KCNQ1: variants seen among roughly 807,000 people sequenced by gnomAD.
The protein encoded by KCNQ1 is potassium voltage-gated channel subfamily KQT member 1.
Under a neutral mutation model 72.4 loss-of-function variants are expected in KCNQ1, and 49 were observed. The observed-to-expected ratio is 0.68, with a 90% CI of 0.54 to 0.86. KCNQ1 has a LOEUF of 0.86. KCNQ1 is among the 40% of genes least tolerant of loss of function. The pLI is 0.00. For synonymous variants in KCNQ1, 450 were observed against 412.6 expected, an observed-to-expected ratio of 1.09 and a Z score of -1.10; for missense variants, 790 against 945.1, an observed-to-expected ratio of 0.84 and a Z score of 2.15.
At chr11:2,699,859 G>C (rs1001790327) in intron 11 of KCNQ1, 1 of 397,324 alleles carries the variant, frequency 2.5e-6, no homozygotes, top group Middle Eastern at 6.3e-4. Flanking sequence ...GGCGCACCGG[G>C]AGAATCGTGC....
intron 15 of KCNQ1, among the ~76,000 whole-genome samples, chr11:2,797,841 G>A (rs993360380): frequency 2.6e-5 from 4 of 151,982 alleles, no homozygotes; most frequent in African/African-American, 2.4e-5. Flanking sequence ...TGTGAAGCCA[G>A]CCGGTTCCCC....
intron 11 of KCNQ1, chr11:2,667,714 G>A: frequency 2.5e-6 from 1 of 398,786 alleles, no homozygotes; most frequent in Non-Finnish European, 4.4e-6. Context: ...AAGTCTGGAA[G>A]CCGTGTCCCC....
chr11:2,841,506 A>G (rs1476960051), intron 15 of KCNQ1, among the ~76,000 whole-genome samples: 1 of 152,204 alleles, frequency 6.6e-6, no homozygotes, highest in East Asian at 1.9e-4. Context: ...GCTCCAGACC[A>G]GAGAGCCACA....
chr11:2,523,821 C>T (rs1004220515), intron 1 of KCNQ1, among the ~76,000 whole-genome samples: 1 of 141,474 alleles, frequency 7.1e-6, no homozygotes, highest in Non-Finnish European at 1.5e-5. Context: ...GGTCAGCAGA[C>T]CTGGGTCCTG....
chr11:2,601,085 TAA>T lies in KCNQ1; in HGVS notation c.1393+12245_1393+12246del, dbSNP rs774725539. Reference sequence around the variant, plus strand: ...GCCATGCATATACCCTGCTACTTGTTAAAAAAAAAAAAAAAGTCTCTCCAGAT... The same window carrying T: ...GCCATGCATATACCCTGCTACTTGTTAAAAAAAAAAAAAGTCTCTCCAGAT... On this transcript the variant is annotated intron_variant, in intron 10 of 15. Transcript: ENST00000155840. This position sits in a 1 kb window ranked among gnomAD's most constrained non-coding sequence, Gnocchi z 5.2. Among the ~76,000 whole-genome samples the T allele has an allele frequency of 5.0e-5, 7 of 139,050 alleles. No individual in the cohort carries two copies. The highest frequency in any genetic ancestry group is 4.6e-4 in the South Asian group (2 of 4,378). The allele number at this position is 139,050 out of a possible 152,430, so 91.2% of individuals were successfully genotyped here.
At chr11:2,719,981 G>T (rs376568662) in intron 11 of KCNQ1, among the ~76,000 whole-genome samples, 1 of 152,234 alleles carries the variant, frequency 6.6e-6, no homozygotes, top group African/African-American at 2.4e-5. Flanking sequence ...CCCCTTGCAC[G>T]CCTGGGCGGA....
intron 15 of KCNQ1, among the ~76,000 whole-genome samples, chr11:2,829,883 T>C (rs234855): frequency 0.69 from 100,821 of 147,096 alleles, 35,064 homozygotes; most frequent in South Asian, 0.75. Flanking sequence ...GTAAGAAAAT[T>C]TAAGAAGGAA....
At position 2,676,753 on chromosome 11, in the gene KCNQ1, G is replaced by T. The variant is rs183543407; in HGVS notation, c.1514+14672G>T. The T allele has an allele frequency of 1.5e-5, 6 of 398,650 alleles. No individual in the cohort carries two copies. The allele number at this position is 398,650 out of a possible 1,614,324, so 24.7% of individuals were successfully genotyped here. A position where few individuals can be genotyped will look rare whatever the true frequency, so the allele number is the denominator to read the frequency against. Reference sequence around the variant, plus strand: ...GTGGCTTTGGGTACGATGGTCTGCTGTATGAAGCAACCCTAGGACATTTGA... The same window carrying T: ...GTGGCTTTGGGTACGATGGTCTGCTTTATGAAGCAACCCTAGGACATTTGA... On this transcript the variant is annotated intron_variant, in intron 11 of 15. Transcript: ENST00000155840. The surrounding 1 kb of genome is among the most constrained non-coding windows in gnomAD (Gnocchi z 4.2).
chr11:2,754,175 G>A (rs74049749), intron 11 of KCNQ1, among the ~76,000 whole-genome samples: 6,937 of 152,282 alleles, frequency 0.046, 518 homozygotes, highest in African/African-American at 0.15. Flanking sequence ...ACAAGTGTTG[G>A]CAAGGATGTG....
chr11:2,624,571 G>A lies in KCNQ1; in HGVS notation c.1393+35717G>A. The A allele has an allele frequency of 2.5e-6, 1 of 398,154 alleles. No homozygotes were observed. Among genetic ancestry groups the A allele is most frequent in the Non-Finnish European group, 4.4e-6 (1 of 225,968 alleles). 24.7% of individuals were successfully genotyped at this position (398,154 alleles called of 1,614,324 possible). ...TGTTGATTTCCAAATCTTTTATTGT[G>A]GCAAAATACACTTAACATAAAAATT... On this transcript the variant is annotated intron_variant, in intron 10 of 15. Coordinates refer to ENST00000155840, the MANE Select transcript of KCNQ1 (RefSeq NM_000218.3). The surrounding 1 kb of genome is among the most constrained non-coding windows in gnomAD (Gnocchi z 4.9).
chr11:2,456,958 A>ACC (rs1296655368), intron 1 of KCNQ1, among the ~76,000 whole-genome samples: 1 of 90,618 alleles, frequency 1.1e-5, no homozygotes, highest in South Asian at 3.2e-4. Flanking sequence ...AAAAAAAAAA[A>ACC]AAAAAAACCC....
Position 2,762,924 on chromosome 11 carries a change from G to A in KCNQ1, c.1515-5920G>A, listed in dbSNP as rs971966442. 6.6e-6 allele frequency among the ~76,000 whole-genome samples: 1 copy of A among 151,924 alleles called. No individual in the cohort carries two copies. The highest frequency in any genetic ancestry group is 2.4e-5 in the African/African-American group (1 of 41,330). The stretch of plus-strand genomic sequence containing the variant: ...CCACTGTTCATCTGTCTGCCCACAC[G>A]CTCTTAATCAAGCCCTGTGGCCTCA... On this transcript the variant is annotated intron_variant, in intron 11 of 15. Transcript: ENST00000155840. This position sits in a 1 kb window ranked among gnomAD's most constrained non-coding sequence, Gnocchi z 4.3.
At position 2,566,384 on chromosome 11, in the gene KCNQ1, C is replaced by CG. The variant is rs35741361; in HGVS notation, c.478-4240dup. On this transcript the variant is annotated intron_variant, in intron 2 of 15. Transcript: ENST00000155840. This position sits in a 1 kb window ranked among gnomAD's most constrained non-coding sequence, Gnocchi z 6.7. ...ACCCGAGGACACCTGTACCTTGTCC[C>CG]GGGGCGGGGCTCTCTCTGCCATGGA... 6.6e-6 allele frequency among the ~76,000 whole-genome samples: 1 copy of CG among 152,198 alleles called. No individual in the cohort carries two copies. The highest frequency in any genetic ancestry group is 2.4e-5 in the African/African-American group (1 of 41,450).
At chr11:2,454,199 A>C (rs575079409) in intron 1 of KCNQ1, among the ~76,000 whole-genome samples, 4 of 152,314 alleles carry the variant, frequency 2.6e-5, no homozygotes, top group African/African-American at 9.6e-5. Context: ...TCCAAATCTT[A>C]AAAGTTTACC....
In KCNQ1 at chr11:2,456,961, A is replaced by C. The variant is rs1262417498; in HGVS notation, c.386+11477A>C. Among the ~76,000 whole-genome samples, 9 of 151,100 alleles carry C rather than the reference A, an allele frequency of 6.0e-5. 1 individual carries two copies. The South Asian group carries it at 1.0e-3, about 17-fold the overall frequency. On this transcript the variant is annotated intron_variant, in intron 1 of 15. Coordinates refer to ENST00000155840, the MANE Select transcript of KCNQ1 (RefSeq NM_000218.3). Reference sequence around the variant, plus strand: ...CTCAAAAAAAAAAAAAAAAAAAAAAAAAAACCCAAAAAAACAAAAAGTGGG... The same window carrying C: ...CTCAAAAAAAAAAAAAAAAAAAAAACAAAACCCAAAAAAACAAAAAGTGGG...
rs1016497222 is a variant in KCNQ1, at chr11:2,826,651, T to G, written c.1795-21116T>G. ...TGGCCCAGCACACCCAGCCCACCAC[T>G]GTGCTCCCAGAGGGAGAACAGAGAG... On this transcript the variant is annotated intron_variant, in intron 15 of 15. Coordinates refer to ENST00000155840, the MANE Select transcript of KCNQ1 (RefSeq NM_000218.3). The surrounding 1 kb of genome is among the most constrained non-coding windows in gnomAD (Gnocchi z 4.2). Among the ~76,000 whole-genome samples, 1 of 152,234 alleles carries G rather than the reference T, an allele frequency of 6.6e-6. No individual in the cohort carries two copies. Among genetic ancestry groups the G allele is most frequent in the African/African-American group, 2.4e-5 (1 of 41,458 alleles).
intron 15 of KCNQ1, among the ~76,000 whole-genome samples, chr11:2,789,346 C>T (rs1846973620): frequency 6.6e-6 from 1 of 152,242 alleles, no homozygotes. Context: ...AACCCGTCAT[C>T]ACTCCTAGGA....
chr11:2,626,068 C>T lies in KCNQ1; in HGVS notation c.1394-35893C>T. 1 of 398,542 alleles carries T rather than the reference C, an allele frequency of 2.5e-6. No homozygotes were observed. The highest frequency in any genetic ancestry group is 4.4e-6 in the Non-Finnish European group (1 of 226,040). The allele number at this position is 398,542 out of a possible 1,614,324, so 24.7% of individuals were successfully genotyped here. A position where few individuals can be genotyped will look rare whatever the true frequency, so the allele number is the denominator to read the frequency against. Reference sequence around the variant, plus strand: ...AATTTATCTAGTTTTACTTTTATTGCCTGTGCAAGTACAATTTATCTATTT... The same window carrying T: ...AATTTATCTAGTTTTACTTTTATTGTCTGTGCAAGTACAATTTATCTATTT... On this transcript the variant is annotated intron_variant, in intron 10 of 15. Coordinates refer to ENST00000155840, the MANE Select transcript of KCNQ1 (RefSeq NM_000218.3). The surrounding 1 kb of genome is among the most constrained non-coding windows in gnomAD (Gnocchi z 4.0).
chr11:2,684,201 C>T, intron 11 of KCNQ1: 1 of 398,598 alleles, frequency 2.5e-6, no homozygotes, highest in Non-Finnish European at 4.4e-6. Context: ...TCAGACTCTG[C>T]CAGGAGACAG....
Sources: gnomAD v4.1 joint callset for allele counts (sites outside exome capture counted in the v4.1 genomes callset) on GRCh38, gnomAD v4.1.1 for gene constraint, Gnocchi (gnomAD v3.1) non-coding constraint, MANE v1.5 for transcripts, NCBI Gene and HGNC (gene_info 2026-07-23, HGNC 2026-07-21) for gene names.